MTA3: variants seen among roughly 807,000 people sequenced by gnomAD.
MTA3 encodes metastasis associated 1 family member 3.
In MTA3, 34 loss-of-function variants were observed where a neutral mutation model predicts 83.5. That is an observed-to-expected ratio of 0.41 (90% CI 0.31 to 0.54). MTA3 has a LOEUF of 0.54. MTA3 is among the 20% of genes least tolerant of loss of function. MTA3 has a pLI of 0.33. For synonymous variants in MTA3, 303 were observed against 252.7 expected (o/e 1.20, Z -1.89); for missense variants, 761 against 726.4 (o/e 1.05, Z -0.55).
At chr2:42,607,328 A>C (rs1683599798) in intron 3 of MTA3, among the ~76,000 whole-genome samples, 1 of 152,018 alleles carries the variant, frequency 6.6e-6, no homozygotes, top group African/African-American at 2.4e-5. Context: ...CCCGCTGGAG[A>C]TTGGTGAGAG....
At chr2:42,569,216 GGGGCCCAGCCA>G (rs1678181838) in intron 1 of MTA3, among the ~76,000 whole-genome samples, 1 of 151,778 alleles carries the variant, frequency 6.6e-6, no homozygotes, top group South Asian at 2.1e-4. Flanking sequence ...GGGGGCGGTG[GGGGCCCAGCCA>G]GGGGCCCAGC....
chr2:42,550,956 C>G (rs1005036719), intron 2 of MTA3, among the ~76,000 whole-genome samples: 13 of 151,702 alleles, frequency 8.6e-5, no homozygotes, highest in African/African-American at 3.1e-4. Context: ...GAGGCTGAGA[C>G]AGGAGAATAG....
In MTA3 at chr2:42,756,015, C is replaced by A; in HGVS notation, c.*2616C>A. ...ACAGCCCAGTTTCCATCTCTCAGGG[C>A]CCACCCAGGAAAATGGATTTCAAGT... On this transcript the variant is annotated 3_prime_UTR_variant, in exon 17 of 17. Transcript: ENST00000405094. The A allele has an allele frequency of 1.0e-6, 1 of 985,120 alleles. No homozygotes were observed. The highest frequency in any genetic ancestry group is 1.2e-6 in the Non-Finnish European group (1 of 829,618). The allele number at this position is 985,120 out of a possible 1,614,324, so 61.0% of individuals were successfully genotyped here. A position where few individuals can be genotyped will look rare whatever the true frequency, so the allele number is the denominator to read the frequency against.
In MTA3 at chr2:42,697,842, A is replaced by G. The variant is rs1315690706; in HGVS notation, c.1025+8A>G. The G allele has an allele frequency of 6.6e-7, 1 of 1,505,494 alleles. No individual in the cohort carries two copies. Among genetic ancestry groups the G allele is most frequent in the Non-Finnish European group, 8.9e-7 (1 of 1,121,232 alleles). The allele number at this position is 1,505,494 out of a possible 1,614,324, so 93.3% of individuals were successfully genotyped here. ...AGTATATATCCCAACCTAGTAAGTAATTGAAATCTTTTAAAATATTTGTTT... is the reference window on the plus strand; with the variant it reads ...AGTATATATCCCAACCTAGTAAGTAGTTGAAATCTTTTAAAATATTTGTTT... On this transcript the variant is annotated splice_region_variant and intron_variant, in intron 11 of 16. Coordinates refer to ENST00000405094, the MANE Select transcript of MTA3 (RefSeq NM_001330442.2).
Position 42,754,352 on chromosome 2 carries a change from G to A in MTA3, c.*953G>A. ...GAGAGAACTGTGTTTGTGGGTATGA[G>A]TCTGTGTGGCCAACCCCATGACCCC... On this transcript the variant is annotated 3_prime_UTR_variant, in exon 17 of 17. Transcript: ENST00000405094. The A allele has an allele frequency of 1.0e-6, 1 of 985,552 alleles. No individual in the cohort carries two copies. The highest frequency in any genetic ancestry group is 1.7e-5 in the African/African-American group (1 of 57,368). 61.1% of individuals were successfully genotyped at this position (985,552 alleles called of 1,614,324 possible).
At chr2:42,599,439 T>A (rs918937225) in intron 3 of MTA3, among the ~76,000 whole-genome samples, 3 of 151,492 alleles carry the variant, frequency 2.0e-5, no homozygotes, top group African/African-American at 2.4e-5. Flanking sequence ...CTAAAAAAAA[T>A]ACAAAAATTA....
Position 42,707,932 on chromosome 2 carries a change from G to T in MTA3, c.1180G>T (p.Gly394Cys), listed in dbSNP as rs1666244942. The T allele has an allele frequency of 1.9e-6, 3 of 1,600,724 alleles. No homozygotes were observed. Among genetic ancestry groups the T allele is most frequent in the Non-Finnish European group, 2.6e-6 (3 of 1,175,612 alleles). ...ACAGTCTCACCAGTGGTATTCTTGG[G>T]GCCCACCTAATATGCAGTGTAGATT... Reference protein sequence around the residue: ...ATQSHQWYSWGPPNMQCRLCA... With the variant: ...ATQSHQWYSWCPPNMQCRLCA... The change falls in exon 13 of 17, where the codon GGC becomes TGC. Residue 394 changes from glycine to cysteine, a missense_variant. Gly to Cys is a radical substitution (Grantham distance 159). Coordinates refer to ENST00000405094, the MANE Select transcript of MTA3 (RefSeq NM_001330442.2).
At chr2:42,647,991 C>T (rs1688374783) in intron 6 of MTA3, among the ~76,000 whole-genome samples, 1 of 152,186 alleles carries the variant, frequency 6.6e-6, no homozygotes, top group Admixed American at 6.5e-5. Context: ...CAGGTGCCTG[C>T]CACCACACCC....
chr2:42,741,457 T>C (rs1255003491), intron 16 of MTA3, among the ~76,000 whole-genome samples: 1 of 152,250 alleles, frequency 6.6e-6, no homozygotes, highest in Admixed American at 6.5e-5. Context: ...TGGCTTTCAA[T>C]ACGCCTTCCT....
chr2:42,691,160 T>G (rs4953569), intron 9 of MTA3, among the ~76,000 whole-genome samples: 3 of 151,908 alleles, frequency 2.0e-5, no homozygotes, highest in African/African-American at 7.3e-5. Context: ...TACAGGCGCA[T>G]GCCACCAGCC....
chr2:42,521,779 G>A, intron 2 of MTA3, among the ~76,000 whole-genome samples: 1 of 116,654 alleles, frequency 8.6e-6, no homozygotes, highest in African/African-American at 3.3e-5. Flanking sequence ...TTTTGAGACA[G>A]AGTCTCACTC....
intron 2 of MTA3, among the ~76,000 whole-genome samples, chr2:42,503,455 A>G (rs1242284156): frequency 1.3e-5 from 2 of 152,132 alleles, no homozygotes; most frequent in African/African-American, 2.4e-5. Context: ...AAGAATGCCT[A>G]ACCGTCTGGG....
At chr2:42,624,173 T>G (rs1158919154) in intron 4 of MTA3, among the ~76,000 whole-genome samples, 1 of 152,156 alleles carries the variant, frequency 6.6e-6, no homozygotes, top group Non-Finnish European at 1.5e-5. Context: ...TAATTCAGAC[T>G]TTTCTTTGTT....
intron 15 of MTA3, among the ~76,000 whole-genome samples, chr2:42,720,659 A>G (rs1475838357): frequency 6.6e-6 from 1 of 152,048 alleles, no homozygotes; most frequent in African/African-American, 2.4e-5. Flanking sequence ...AAAGTTTCTG[A>G]TCACAAAAAA....
At chr2:42,567,877 C>T (rs887546633), upstream of MTA3, among the ~76,000 whole-genome samples, 28 of 152,174 alleles carry the variant, frequency 1.8e-4, no homozygotes, top group African/African-American at 6.8e-4. Context: ...CTAAAGGTCC[C>T]TTTTCCCAGC....
intron 4 of MTA3, among the ~76,000 whole-genome samples, chr2:42,639,787 T>C (rs1687537450): frequency 6.6e-6 from 1 of 152,240 alleles, no homozygotes; most frequent in Admixed American, 6.5e-5. Flanking sequence ...GTGGTGTCTT[T>C]GTCTGAACAT....
At chr2:42,526,846 G>C (rs972437965) in intron 2 of MTA3, among the ~76,000 whole-genome samples, 1 of 151,974 alleles carries the variant, frequency 6.6e-6, no homozygotes, top group Non-Finnish European at 1.5e-5. Flanking sequence ...ATGAGGTCAA[G>C]AGATCGAGAC....
At chr2:42,643,544 T>C (rs1687893992) in intron 5 of MTA3, among the ~76,000 whole-genome samples, 1 of 152,222 alleles carries the variant, frequency 6.6e-6, no homozygotes, top group Admixed American at 6.5e-5. Flanking sequence ...TGTATATATA[T>C]GTATGCCTCA....
rs1693509847 is a variant in MTA3, at chr2:42,697,684, T to C, written c.967-92T>C. On this transcript the variant is annotated intron_variant, in intron 10 of 16. Coordinates refer to ENST00000405094, the MANE Select transcript of MTA3 (RefSeq NM_001330442.2). ...AGATGGTAATTTTTGAATTACACTT[T>C]AATACGTATTTTCTTGTGAATTTTT... The C allele has an allele frequency of 4.7e-6, 4 of 856,910 alleles. No individual in the cohort carries two copies. In the East Asian group the frequency reaches 1.1e-4, roughly 25 times the overall value. The allele number at this position is 856,910 out of a possible 1,614,324, so 53.1% of individuals were successfully genotyped here.
Sources: allele counts gnomAD v4.1 joint callset (sites outside exome capture counted in the v4.1 genomes callset), GRCh38; gene constraint gnomAD v4.1.1; transcripts MANE v1.5; gene names NCBI Gene and HGNC (gene_info 2026-07-23, HGNC 2026-07-21).